Variants in CTBP2 observed in about 807,000 individuals in gnomAD.
CTBP2 encodes the protein C-terminal binding protein 2, also known as C-terminal-binding protein 2.
A neutral mutation model predicts 80.3 loss-of-function variants in CTBP2; 30 were observed. The ratio of observed to expected loss-of-function variants is 0.37; its 90% CI spans 0.28 to 0.51. The LOEUF (loss-of-function observed/expected upper bound fraction) is 0.51, where lower values mean the gene tolerates loss of function less well. Among genes scored for constraint, CTBP2 ranks in the 20% least tolerant of loss-of-function variants. CTBP2 has a pLI of 0.93. For synonymous variants in CTBP2, 594 were observed against 587.4 expected (o/e 1.01, Z -0.16); for missense variants, 1,212 against 1,375.3 (o/e 0.88, Z 1.88).
rs969714952 is a variant in CTBP2, at chr10:124,998,303, G to A, written c.1979-133C>T. The A allele has an allele frequency of 8.0e-6, 8 of 994,116 alleles. No homozygotes were observed. The African/African-American group carries it at 8.1e-5, about 10-fold the overall frequency. 61.6% of individuals were successfully genotyped at this position (994,116 alleles called of 1,614,324 possible). A position where few individuals can be genotyped will look rare whatever the true frequency, so the allele number is the denominator to read the frequency against. On this transcript the variant is annotated intron_variant, in intron 3 of 8. Coordinates refer to ENST00000309035, the MANE Select transcript of CTBP2 (RefSeq NM_022802.3). ...AGGCCCACCTTATCGTCTAGCAGAC[G>A]CGGGGCTGGGCACGTGGGCGGTAGG...
chr10:125,076,650 G>A (rs1400565853), intron 2 of CTBP2, among the ~76,000 whole-genome samples: 1 of 152,222 alleles, frequency 6.6e-6, no homozygotes, highest in Non-Finnish European at 1.5e-5. Flanking sequence ...ACCTGACGTG[G>A]AAGACACACT....
Position 124,993,917 on chromosome 10 carries a change from T to A in CTBP2, c.2469A>T (p.Gln823His). The stretch of plus-strand genomic sequence containing the variant: ...CTCGTATCCTGCCCTCCTTGAGGGC[T>A]TGTGCTAAGGCTTTCTCGTCCACCA... Residue 823 changes from glutamine (Q) to histidine (H), a missense_variant, in exon 6 of 9, where the codon CAA becomes CAT. Coordinates refer to ENST00000309035, the MANE Select transcript of CTBP2 (RefSeq NM_022802.3). 4 of 1,613,160 alleles carry A rather than the reference T, an allele frequency of 2.5e-6. No individual in the cohort carries two copies. Among genetic ancestry groups the A allele is most frequent in the Non-Finnish European group, 3.4e-6 (4 of 1,179,180 alleles).
chr10:125,031,362 G>A (rs1335714465), upstream of CTBP2, among the ~76,000 whole-genome samples: 2 of 151,746 alleles, frequency 1.3e-5, no homozygotes, highest in Non-Finnish European at 2.9e-5. Context: ...GGTGGCGGGT[G>A]CCTGTAATCC....
At chr10:125,162,165 GAT>G (rs1256669727), upstream of CTBP2, among the ~76,000 whole-genome samples, 3 of 152,238 alleles carry the variant, frequency 2.0e-5, no homozygotes, top group Non-Finnish European at 4.4e-5. Flanking sequence ...ACCCTATTGA[GAT>G]ATTAGGAGCT....
At chr10:125,123,537 G>C (rs1381213253) in intron 1 of CTBP2, among the ~76,000 whole-genome samples, 2 of 151,970 alleles carry the variant, frequency 1.3e-5, no homozygotes, top group African/African-American at 2.4e-5. Context: ...GTCATTTTTT[G>C]GTTTATGTGG....
At chr10:125,031,080 G>A (rs553288005), upstream of CTBP2, among the ~76,000 whole-genome samples, 236 of 152,286 alleles carry the variant, frequency 1.5e-3, 1 homozygote, top group Admixed American at 3.0e-3. Flanking sequence ...GGCAGACACA[G>A]GGCAGAAAAA....
At chr10:125,036,323 C>T (rs1958861204) in intron 3 of CTBP2, among the ~76,000 whole-genome samples, 1 of 152,078 alleles carries the variant, frequency 6.6e-6, no homozygotes, top group Non-Finnish European at 1.5e-5. Flanking sequence ...CTGCCTGATT[C>T]CAGCCTAGGG....
chr10:125,095,613 G>A (rs1253612399), intron 2 of CTBP2, among the ~76,000 whole-genome samples: 1 of 152,218 alleles, frequency 6.6e-6, no homozygotes, highest in African/African-American at 2.4e-5. Flanking sequence ...GAAGGAAGCA[G>A]ACTAAGATGC....
intron 2 of CTBP2, among the ~76,000 whole-genome samples, chr10:125,088,704 T>C (rs1197389169): frequency 1.3e-5 from 2 of 152,018 alleles, no homozygotes; most frequent in Non-Finnish European, 2.9e-5. Context: ...TAGAAATCAA[T>C]AGCCCTACTC....
chr10:125,020,923 A>G (rs1956973546), intron 1 of CTBP2, among the ~76,000 whole-genome samples: 1 of 152,230 alleles, frequency 6.6e-6, no homozygotes, highest in Admixed American at 6.5e-5. Context: ...AGGCCCACTA[A>G]GCTTTAACAA....
At chr10:125,137,190 A>C (rs1857103482) in intron 1 of CTBP2, among the ~76,000 whole-genome samples, 1 of 152,260 alleles carries the variant, frequency 6.6e-6, no homozygotes, top group Non-Finnish European at 1.5e-5. Context: ...AGAGACAAAG[A>C]AATCAAGACA....
intron 2 of CTBP2, among the ~76,000 whole-genome samples, chr10:125,081,645 A>G (rs552639225): frequency 5.3e-5 from 8 of 152,224 alleles, no homozygotes; most frequent in African/African-American, 1.7e-4. Flanking sequence ...GTAAGTCTGT[A>G]ATTATGTCAA....
chr10:125,112,067 T>C (rs1852366700), intron 1 of CTBP2, among the ~76,000 whole-genome samples: 1 of 150,790 alleles, frequency 6.6e-6, no homozygotes, highest in African/African-American at 2.4e-5. Flanking sequence ...AAATGGTTAA[T>C]ATACAAAAAG....
chr10:125,063,431 G>T (rs1193324072), intron 2 of CTBP2, among the ~76,000 whole-genome samples: 1 of 152,162 alleles, frequency 6.6e-6, no homozygotes, highest in Admixed American at 6.5e-5. Context: ...ACCAACAAAA[G>T]CTGGCAAGGA....
intron 1 of CTBP2, among the ~76,000 whole-genome samples, chr10:125,011,958 G>A (rs529534180): frequency 4.1e-4 from 62 of 152,324 alleles, no homozygotes; most frequent in African/African-American, 1.2e-3. Flanking sequence ...ATGTTCTGGG[G>A]TGAATTTTTG....
intron 2 of CTBP2, 81 bp downstream of exon 4, chr10:125,003,257 T>G: frequency 3.8e-6 from 6 of 1,588,802 alleles, no homozygotes; most frequent in Non-Finnish European, 5.1e-6. Context: ...TGCCGGTGAC[T>G]TGGGGCGATC....
At chr10:125,097,578 C>T (rs1320633129) in intron 2 of CTBP2, among the ~76,000 whole-genome samples, 1 of 152,162 alleles carries the variant, frequency 6.6e-6, no homozygotes, top group Non-Finnish European at 1.5e-5. Flanking sequence ...GCTACAGGCG[C>T]GCCTTAGGTG....
chr10:125,035,204 T>C (rs1031610855), intron 3 of CTBP2, among the ~76,000 whole-genome samples: 16 of 152,216 alleles, frequency 1.1e-4, no homozygotes, highest in African/African-American at 3.9e-4. Context: ...TTTCTAACTA[T>C]CTATGTGTTT....
At chr10:125,049,034 C>T (rs967612862) in intron 2 of CTBP2, among the ~76,000 whole-genome samples, 8 of 149,098 alleles carry the variant, frequency 5.4e-5, no homozygotes, top group African/African-American at 1.2e-4. Flanking sequence ...TCAATTTGCC[C>T]GCCTGACCAC....
Sources: gnomAD v4.1 joint callset for allele counts (sites outside exome capture counted in the v4.1 genomes callset) on GRCh38, gnomAD v4.1.1 for gene constraint, MANE v1.5 for transcripts, NCBI Gene and HGNC (gene_info 2026-07-23, HGNC 2026-07-21) for gene names.